Variants in COL6A3 observed in about 807,000 individuals in gnomAD.
The protein encoded by COL6A3 is collagen type VI alpha 3 chain, also known as collagen alpha-3(VI) chain.
A neutral mutation model predicts 274.1 loss-of-function variants in COL6A3; 137 were observed. The ratio of observed to expected loss-of-function variants is 0.50; its 90% CI spans 0.44 to 0.58. The LOEUF (loss-of-function observed/expected upper bound fraction) is 0.58, where lower values mean the gene tolerates loss of function less well. Among genes scored for constraint, COL6A3 ranks in the 20% least tolerant of loss-of-function variants. The probability of loss-of-function intolerance (pLI) is 0.00; values close to 1 mark genes in which losing one functional copy is unlikely to be tolerated. For synonymous variants in COL6A3, 1,650 were observed against 1,650.6 expected, an observed-to-expected ratio of 1.00 and a Z score of 0.01; for missense variants, 3,950 against 4,124.9, an observed-to-expected ratio of 0.96 and a Z score of 1.16.
chr2:237,357,894 A>C lies in COL6A3; in HGVS notation c.6472-12T>G. 1 of 1,613,816 alleles carries C rather than the reference A, an allele frequency of 6.2e-7. No individual in the cohort carries two copies. Among genetic ancestry groups the C allele is most frequent in the Non-Finnish European group, 8.5e-7 (1 of 1,179,702 alleles). On this transcript the variant is annotated splice_polypyrimidine_tract_variant and intron_variant, in intron 21 of 43. Transcript: ENST00000295550. ...TGTCCTGGGTTACCCTGAAAGCAAC[A>C]TGGGAAAGGGAAATGAGCCACATAT... is the stretch of plus-strand genomic sequence containing the variant.
In COL6A3 at chr2:237,371,197, C is replaced by T. The variant is rs549846085; in HGVS notation, c.4285+535G>A. ...TTCCGGCCACCCTCCTATGGAGATG[C>T]CCTCATGCTTTGCCACGGTATGCAT... On this transcript the variant is annotated intron_variant, in intron 9 of 43. Transcript: ENST00000295550. This position sits in a 1 kb window ranked among gnomAD's most constrained non-coding sequence, Gnocchi z 4.3. Among the ~76,000 whole-genome samples the T allele has an allele frequency of 9.8e-5, 15 of 152,334 alleles. No individual in the cohort carries two copies. The East Asian group carries it at 1.7e-3, about 18-fold the overall frequency.
rs2077073400 is a variant in COL6A3, at chr2:237,345,194, C to A, written c.7112G>T (p.Gly2371Val). ...PGPAGPKGNR[G>V]DSIDQCALIQ... ...CATGCAACTTACATCGATGGAGTCG[C>A]CCCTGTTGCCCTTGGGACCCTGTAA... Residue 2371 changes from glycine (G) to valine (V), a missense_variant, in exon 33 of 44, where the codon GGC (glycine) becomes GTC (valine). By Grantham distance (109) the Gly-to-Val change is moderately radical. Transcript: ENST00000295550. The A allele has an allele frequency of 6.2e-7, 1 of 1,614,046 alleles. No individual in the cohort carries two copies. Among genetic ancestry groups the A allele is most frequent in the African/African-American group, 1.3e-5 (1 of 74,932 alleles).
chr2:237,379,314 C>A, intron 5 of COL6A3, 79 bp from the exon 6 acceptor site: 1 of 1,524,426 alleles, frequency 6.6e-7, no homozygotes, highest in Non-Finnish European at 9.1e-7. Context: ...AACACGTGCA[C>A]ACATGCCAAC....
Position 237,394,614 on chromosome 2 carries a change from C to A in COL6A3, c.682G>T (p.Asp228Tyr), listed in dbSNP as rs575037053. ...GTGATGTCTTTAAGGGTTTCCGTGT[C>A]CCCAGCCCTTTCTGGACTCACGGAT... ...HSSVSPERAGDTETLKDITAQ... is the reference protein window; with the variant it reads ...HSSVSPERAGYTETLKDITAQ... The change falls in exon 3 of 44, where the codon GAC becomes TAC. Residue 228 changes from aspartate (D) to tyrosine (Y), a missense_variant. Asp to Tyr is a radical substitution (Grantham distance 160). Around this residue, in one of 5 missense-constraint regions of COL6A3, gnomAD observed 1,934 missense variants for 1,984.3 expected, o/e 0.97. Transcript: ENST00000295550. 5.0e-6 allele frequency: 8 copies of A among 1,613,988 alleles called. No individual in the cohort carries two copies. The highest frequency in any genetic ancestry group is 6.8e-6 in the Non-Finnish European group (8 of 1,180,034).
chr2:237,370,004 T>A (rs1357800236), intron 9 of COL6A3, among the ~76,000 whole-genome samples: 1 of 151,856 alleles, frequency 6.6e-6, no homozygotes, highest in Non-Finnish European at 1.5e-5. Context: ...GCCTGTGCCT[T>A]TATTTTTTAA....
chr2:237,357,826 G>C lies in COL6A3; in HGVS notation c.6528C>G (p.Leu2176=). The change falls in exon 22 of 44, where the codon CTC becomes CTG. Residue 2176 remains leucine, a synonymous_variant. Coordinates refer to ENST00000295550, the MANE Select transcript of COL6A3 (RefSeq NM_004369.4). Reference sequence around the variant, plus strand: ...ATGTGCAGCACCTTACCATGGGGCCGAGGTCACCGGTTTCTCCTTTGGGTC... The same window carrying C: ...ATGTGCAGCACCTTACCATGGGGCCCAGGTCACCGGTTTCTCCTTTGGGTC... ...ERGPKGETGD[L]GPMGVPGRDG... is the part of the protein sequence containing the mutation. 6.2e-7 allele frequency: 1 copy of C among 1,614,080 alleles called. No homozygotes were observed. Among genetic ancestry groups the C allele is most frequent in the Non-Finnish European group, 8.5e-7 (1 of 1,179,994 alleles).
rs368568929 is a variant in COL6A3 at position 237,334,646 on chromosome 2, T to C, written c.9209A>G (p.Tyr3070Cys). 52 of 1,613,604 alleles carry C rather than the reference T, an allele frequency of 3.2e-5. 1 individual carries two copies. The East Asian group carries it at 5.6e-4, about 17-fold the overall frequency. The part of the protein sequence containing the change: ...CYLRSQVRAT[Y>C]HGSFSTKKSQ... ...CTTACTTGTACTGAAACTTCCGTGG[T>C]AGGTGGCTCTGACCTGAGACCTCAG... The change falls in exon 41 of 44, where the codon TAC becomes TGC. Residue 3070 changes from tyrosine to cysteine, a missense_variant. This residue lies in a region of COL6A3 where 1,284 missense variants were observed against 1,349.7 expected (regional missense o/e 0.95). Transcript: ENST00000295550.
At chr2:237,326,813 A>G (rs1391411465) in intron 42 of COL6A3, 1 of 152,274 alleles carries the variant, frequency 6.6e-6, no homozygotes, top group African/African-American at 2.4e-5. Context: ...CAAAAAGGAC[A>G]AGGAAAACCT....
intron 30 of COL6A3, among the ~76,000 whole-genome samples, 185 bp downstream of exon 30, chr2:237,348,164 G>A (rs200309887): frequency 3.3e-5 from 5 of 152,208 alleles, no homozygotes; most frequent in East Asian, 1.9e-4. Flanking sequence ...GGACAAGTAC[G>A]TATTATGACC....
At position 237,368,124 on chromosome 2, in the gene COL6A3, G is replaced by C. The variant is rs1181831853; in HGVS notation, c.4900+439C>G. 6.6e-6 allele frequency among the ~76,000 whole-genome samples: 1 copy of C among 152,238 alleles called. No individual in the cohort carries two copies. Among genetic ancestry groups the C allele is most frequent in the East Asian group, 1.9e-4 (1 of 5,200 alleles). On this transcript the variant is annotated intron_variant, in intron 10 of 43. Coordinates refer to ENST00000295550, the MANE Select transcript of COL6A3 (RefSeq NM_004369.4). The surrounding 1 kb of genome is among the most constrained non-coding windows in gnomAD (Gnocchi z 4.4). Reference sequence around the variant, plus strand: ...GAACCAGGAGCACGGGGTAGAAGCTGAGGTGGACGACTGCAAGTCTTCCAG... The same window carrying C: ...GAACCAGGAGCACGGGGTAGAAGCTCAGGTGGACGACTGCAAGTCTTCCAG...
intron 4 of COL6A3, among the ~76,000 whole-genome samples, chr2:237,385,255 C>T (rs567754320): frequency 4.6e-5 from 7 of 152,332 alleles, no homozygotes; most frequent in African/African-American, 1.7e-4. Flanking sequence ...AGCACCATAT[C>T]TCTAGTGCTT....
At chr2:237,409,334 T>C (rs1206425943) in intron 1 of COL6A3, among the ~76,000 whole-genome samples, 1 of 152,178 alleles carries the variant, frequency 6.6e-6, no homozygotes, top group Non-Finnish European at 1.5e-5. Flanking sequence ...TTAGGGTACA[T>C]GTGCACAACA....
chr2:237,366,022 A>G lies in COL6A3; in HGVS notation c.5514T>C (p.Asp1838=). Reference sequence around the variant, plus strand: ...TAGAACCATCAAACCCCAGAATCACATCCAGATTACAAGCTGGAAAGGAGA... The same window carrying G: ...TAGAACCATCAAACCCCAGAATCACGTCCAGATTACAAGCTGGAAAGGAGA... The part of the protein sequence containing the change: ...VTDAAKACNL[D]VILGFDGSRD... The change falls in exon 12 of 44, where the codon GAT becomes GAC. Residue 1838 remains aspartate, a synonymous_variant. Transcript: ENST00000295550. The G allele has an allele frequency of 6.2e-7, 1 of 1,613,598 alleles. No individual in the cohort carries two copies. Among genetic ancestry groups the G allele is most frequent in the Non-Finnish European group, 8.5e-7 (1 of 1,180,014 alleles).
rs202092407 is a variant in COL6A3, at chr2:237,347,829, G to A, written c.7007C>T (p.Pro2336Leu). Residue 2336 changes from proline to leucine, a missense_variant, in exon 31 of 44, where the codon CCC becomes CTC. Coordinates refer to ENST00000295550, the MANE Select transcript of COL6A3 (RefSeq NM_004369.4). ...TACCCTTCGGCCTCTGATGCCTTTG[G>A]GTCCTGTTGTTCCATTTAGCCCAGG... ...GEPGLNGTTG[P>L]KGIRGRRGNS... The A allele has an allele frequency of 4.9e-4, 782 of 1,611,398 alleles. 10 individuals carry two copies. The Admixed American group carries it at 0.013, about 26-fold the overall frequency.
intron 1 of COL6A3, among the ~76,000 whole-genome samples, chr2:237,398,334 A>G (rs2078504283): frequency 6.6e-6 from 1 of 152,160 alleles, no homozygotes; most frequent in South Asian, 2.1e-4. Flanking sequence ...CCCACCAGCC[A>G]AGTTCACATT....
At chr2:237,386,719 G>C (rs1479071546) in intron 4 of COL6A3, 1 of 152,210 alleles carries the variant, frequency 6.6e-6, no homozygotes, top group Non-Finnish European at 1.5e-5. Context: ...GAAACTGTTG[G>C]GGGCCACTGT....
chr2:237,355,127 C>T lies in COL6A3; in HGVS notation c.6592-193G>A. ...GAAACTCGCACACACAGACACCCTT[C>T]CTCCACCCTCATCCGGGTGAAGTTT... On this transcript the variant is annotated intron_variant, in intron 23 of 43. Coordinates refer to ENST00000295550, the MANE Select transcript of COL6A3 (RefSeq NM_004369.4). 1.9e-5 allele frequency: 10 copies of T among 540,336 alleles called. No homozygotes were observed. The Middle Eastern group carries it at 2.7e-3, about 148-fold the overall frequency. The allele number at this position is 540,336 out of a possible 1,614,324, so 33.5% of individuals were successfully genotyped here.
At chr2:237,399,207 T>C (rs1183132586) in intron 1 of COL6A3, among the ~76,000 whole-genome samples, 2 of 152,172 alleles carry the variant, frequency 1.3e-5, no homozygotes, top group Non-Finnish European at 2.9e-5. Context: ...TTTGGGCTTT[T>C]TAGGAATCAG....
chr2:237,407,198 CA>C lies in COL6A3; in HGVS notation c.-31+6754del, dbSNP rs2106404796. ...ATGTGCTGGGATTATAGGCATGAGC[CA>C]CTACACCTGGCCTTTGAATTTCTAT... is the stretch of plus-strand genomic sequence containing the variant. On this transcript the variant is annotated intron_variant, in intron 1 of 43. Transcript: ENST00000295550. This position sits in a 1 kb window ranked among gnomAD's most constrained non-coding sequence, Gnocchi z 4.3. 6.6e-6 allele frequency among the ~76,000 whole-genome samples: 1 copy of C among 152,210 alleles called. No individual in the cohort carries two copies. Among genetic ancestry groups the C allele is most frequent in the Admixed American group, 6.5e-5 (1 of 15,288 alleles).
Sources: allele counts gnomAD v4.1 joint callset (sites outside exome capture counted in the v4.1 genomes callset), GRCh38; gene constraint gnomAD v4.1.1; regional missense constraint gnomAD v4.1.1; non-coding constraint Gnocchi (gnomAD v3.1); transcripts MANE v1.5; gene names NCBI Gene and HGNC (gene_info 2026-07-23, HGNC 2026-07-21).